Variants in IQGAP2 observed in about 807,000 individuals in gnomAD.
The protein encoded by IQGAP2 is IQ motif containing GTPase activating protein 2.
A neutral mutation model predicts 201.3 loss-of-function variants in IQGAP2; 173 were observed. That is an observed-to-expected ratio of 0.86 (90% CI 0.76 to 0.98). The LOEUF (loss-of-function observed/expected upper bound fraction) is 0.98. IQGAP2 is among the 50% of genes least tolerant of loss of function. The probability of loss-of-function intolerance (pLI) is 0.00; values close to 1 mark genes in which losing one functional copy is unlikely to be tolerated. For synonymous variants in IQGAP2, 675 were observed against 673.9 expected (o/e 1.00, Z -0.03); for missense variants, 1,687 against 1,864.8 (o/e 0.90, Z 1.76).
At chr5:76,495,330 C>T (rs1756826113) in intron 2 of IQGAP2, among the ~76,000 whole-genome samples, 1 of 152,178 alleles carries the variant, frequency 6.6e-6, no homozygotes, top group Non-Finnish European at 1.5e-5. Context: ...TGTCCAAGGG[C>T]ATGAGCCTGT....
intron 22 of IQGAP2, among the ~76,000 whole-genome samples, chr5:76,665,828 G>A (rs565814689): frequency 5.6e-4 from 86 of 152,256 alleles, no homozygotes; most frequent in South Asian, 2.5e-3. Context: ...GATTCAGCCC[G>A]TCAGCCCTAC....
Position 76,707,767 on chromosome 5 carries a change from C to T in IQGAP2, c.*454C>T, listed in dbSNP as rs1748037447. 1 of 152,822 alleles carries T rather than the reference C, an allele frequency of 6.5e-6. No homozygotes were observed. Among genetic ancestry groups the T allele is most frequent in the Admixed American group, 6.5e-5 (1 of 15,282 alleles). The allele number at this position is 152,822 out of a possible 1,614,324, so 9.5% of individuals were successfully genotyped here. A position where few individuals can be genotyped will look rare whatever the true frequency, so the allele number is the denominator to read the frequency against. On this transcript the variant is annotated 3_prime_UTR_variant, in exon 36 of 36. Coordinates refer to ENST00000274364, the MANE Select transcript of IQGAP2 (RefSeq NM_006633.5). Reference sequence around the variant, plus strand: ...TTATTTAGACAGTTCTAAGCCCTGTCTTCTGGGAGTTATCAATTTTAAAGA... The same window carrying T: ...TTATTTAGACAGTTCTAAGCCCTGTTTTCTGGGAGTTATCAATTTTAAAGA...
At position 76,618,619 on chromosome 5, in the gene IQGAP2, A is replaced by C. The variant is rs747121943; in HGVS notation, c.1521+7436A>C. 1.9e-6 allele frequency: 3 copies of C among 1,612,578 alleles called. No individual in the cohort carries two copies. The South Asian group carries it at 3.3e-5, about 18-fold the overall frequency. On this transcript the variant is annotated intron_variant, in intron 13 of 35. Coordinates refer to ENST00000274364, the MANE Select transcript of IQGAP2 (RefSeq NM_006633.5). ...TTAATGGGTAAGGTTGGCTTTGCCA[A>C]GTTGTTTGTATCATTTTCCATGCCT...
intron 32 of IQGAP2, among the ~76,000 whole-genome samples, chr5:76,697,379 C>A (rs769939724): frequency 3.3e-5 from 5 of 152,250 alleles, no homozygotes; most frequent in Non-Finnish European, 5.9e-5. Context: ...CACAATGTCT[C>A]ATGCCTATAA....
At chr5:76,427,887 C>A (rs1306775793) in intron 1 of IQGAP2, among the ~76,000 whole-genome samples, 1 of 152,234 alleles carries the variant, frequency 6.6e-6, no homozygotes, top group African/African-American at 2.4e-5. Flanking sequence ...TGCGGGGCTG[C>A]TCGCAGACCC....
chr5:76,455,584 C>T (rs1754033482), intron 1 of IQGAP2, among the ~76,000 whole-genome samples: 1 of 151,784 alleles, frequency 6.6e-6, no homozygotes, highest in African/African-American at 2.4e-5. Context: ...ATGTGTAGAT[C>T]CTGATGCCAT....
chr5:76,483,871 T>G (rs891071908), intron 2 of IQGAP2, among the ~76,000 whole-genome samples: 8 of 152,160 alleles, frequency 5.3e-5, no homozygotes, highest in African/African-American at 1.9e-4. Flanking sequence ...CTCCTTAGCC[T>G]CTCAGAGGCC....
In IQGAP2 at chr5:76,562,492, C is replaced by T; in HGVS notation, c.243C>T (p.Phe81=). ...NGVYLAKLAK[F]FAPKMVSEKK... ...TTTACCTTGCAAAGTTAGCCAAGTT[C>T]TTTGCCCCGAAAATGGTATCAGAGA... The change falls in exon 3 of 36, where the codon TTC becomes TTT. Residue 81 remains phenylalanine (F), a synonymous_variant. Transcript: ENST00000274364. The T allele has an allele frequency of 6.2e-7, 1 of 1,614,022 alleles. No individual in the cohort carries two copies. Among genetic ancestry groups the T allele is most frequent in the Non-Finnish European group, 8.5e-7 (1 of 1,179,904 alleles).
intron 35 of IQGAP2, 145 bp from the exon 36 acceptor site, chr5:76,707,055 G>A (rs1442634961): frequency 8.3e-6 from 5 of 600,388 alleles, no homozygotes; most frequent in Non-Finnish European, 1.5e-5. Flanking sequence ...CCAGGAGTTT[G>A]AGACCAACCT....
Position 76,480,007 on chromosome 5 carries a change from T to A in IQGAP2, c.146+18338T>A, listed in dbSNP as rs535217296. 2.1e-5 allele frequency among the ~76,000 whole-genome samples: 3 copies of A among 145,640 alleles called. No individual in the cohort carries two copies. The South Asian group carries it at 6.7e-4, about 33-fold the overall frequency. On this transcript the variant is annotated intron_variant, in intron 2 of 35. Coordinates refer to ENST00000274364, the MANE Select transcript of IQGAP2 (RefSeq NM_006633.5). ...ACAAAGGAGAAGTTGTCAGGCTCAG[T>A]CAAGGAGAAGGGAGGAGCGATATGG...
chr5:76,658,174 G>A (rs933674525), intron 20 of IQGAP2, among the ~76,000 whole-genome samples: 1 of 152,138 alleles, frequency 6.6e-6, no homozygotes, highest in Non-Finnish European at 1.5e-5. Context: ...TCTTCTTAGC[G>A]CATGAGTCCA....
At chr5:76,614,179 T>G (rs927789411) in intron 13 of IQGAP2, among the ~76,000 whole-genome samples, 10 of 152,220 alleles carry the variant, frequency 6.6e-5, no homozygotes, top group African/African-American at 2.4e-4. Context: ...CCTTCTAGAC[T>G]GAGCATTCCA....
chr5:76,516,040 T>C (rs1004683974), intron 2 of IQGAP2, among the ~76,000 whole-genome samples: 1 of 151,832 alleles, frequency 6.6e-6, no homozygotes, highest in African/African-American at 2.4e-5. Flanking sequence ...CATGCCTGGA[T>C]AATGTTTGTG....
intron 2 of IQGAP2, among the ~76,000 whole-genome samples, chr5:76,536,368 G>C (rs539117102): frequency 2.0e-5 from 3 of 151,282 alleles, no homozygotes; most frequent in Admixed American, 2.0e-4. Context: ...ACCACGCCTG[G>C]CTTCCAGGAG....
Position 76,562,430 on chromosome 5 carries a change from C to T in IQGAP2, c.181C>T (p.Pro61Ser), listed in dbSNP as rs1744444363. The change falls in exon 3 of 36, where the codon CCA becomes TCA. Residue 61 changes from proline to serine, a missense_variant. Pro to Ser is a moderately conservative substitution (Grantham distance 74, BLOSUM62 -1). Transcript: ENST00000274364. ...MEVCLVEELP[P>S]TTELEEGLRN... is the part of the protein sequence containing the mutation. ...AGTTTGCTTAGTTGAAGAATTGCCA[C>T]CAACCACTGAATTGGAAGAAGGGCT... is the stretch of plus-strand genomic sequence containing the variant. The T allele has an allele frequency of 6.2e-7, 1 of 1,613,610 alleles. No homozygotes were observed. Among genetic ancestry groups the T allele is most frequent in the East Asian group, 2.2e-5 (1 of 44,858 alleles).
rs953929813 is a variant in IQGAP2 at position 76,631,277 on chromosome 5, A to C, written c.1613-582A>C. 2.6e-5 allele frequency among the ~76,000 whole-genome samples: 4 copies of C among 152,292 alleles called. No individual in the cohort carries two copies. The East Asian group carries it at 5.8e-4, about 22-fold the overall frequency. ...ATGTGTTTTGTTAATGAGGAGGGGT[A>C]GAAATTTGCAATGGGATAAAATGCT... On this transcript the variant is annotated intron_variant, in intron 14 of 35. Transcript: ENST00000274364.
chr5:76,537,584 G>A (rs552871946), intron 2 of IQGAP2, among the ~76,000 whole-genome samples: 3 of 152,076 alleles, frequency 2.0e-5, no homozygotes, highest in Non-Finnish European at 2.9e-5. Flanking sequence ...TCGGGAAGAG[G>A]GTGGAAATAT....
Position 76,654,221 on chromosome 5 carries a change from G to T in IQGAP2, c.2200G>T (p.Ala734Ser). The T allele has an allele frequency of 6.2e-7, 1 of 1,609,218 alleles. No individual in the cohort carries two copies. ...IVKIQSWFRMATARKSYLSRL... is the reference protein window; with the variant it reads ...IVKIQSWFRMSTARKSYLSRL... The stretch of plus-strand genomic sequence containing the variant: ...TCAGATTCAGTCCTGGTTCCGAATG[G>T]CAACTGCAAGAAAGAGCTATCTTTC... Residue 734 changes from alanine to serine, a missense_variant, in exon 19 of 36, where the codon GCA becomes TCA. By Grantham distance (99) the Ala-to-Ser change is moderately conservative (BLOSUM62 1). Transcript: ENST00000274364.
intron 13 of IQGAP2, among the ~76,000 whole-genome samples, chr5:76,614,923 G>C (rs1180541946): frequency 6.6e-6 from 1 of 152,168 alleles, no homozygotes; most frequent in Non-Finnish European, 1.5e-5. Flanking sequence ...GGTCACAATG[G>C]GTAACATCTT....
Sources: gnomAD v4.1 joint callset for allele counts (sites outside exome capture counted in the v4.1 genomes callset) on GRCh38, gnomAD v4.1.1 for gene constraint, MANE v1.5 for transcripts, NCBI Gene and HGNC (gene_info 2026-07-23, HGNC 2026-07-21) for gene names.